The following CNTNAP5 variants were observed in gnomAD, a reference collection of about 807,000 sequenced individuals.
CNTNAP5 encodes the protein contactin associated protein family member 5, also known as contactin-associated protein-like 5.
In CNTNAP5, 72 loss-of-function variants were observed where a neutral mutation model predicts 150.2. That is an observed-to-expected ratio of 0.48 (90% CI 0.40 to 0.58). The LOEUF is 0.58. Ranked by LOEUF, CNTNAP5 falls within the 20% of genes least tolerant of loss-of-function variation. The pLI, the probability that CNTNAP5 is intolerant of heterozygous loss-of-function variation, is 0.00. For missense variants in CNTNAP5, 1,636 were observed against 1,626.2 expected (o/e 1.01, Z -0.10); for synonymous variants, 672 against 619.8 (o/e 1.08, Z -1.25).
At chr2:124,063,627 A>G (rs1416240661) in intron 1 of CNTNAP5, among the ~76,000 whole-genome samples, 1 of 152,178 alleles carries the variant, frequency 6.6e-6, no homozygotes, top group Non-Finnish European at 1.5e-5. Context: ...AGCAAATATA[A>G]TACTTCTCAA....
chr2:124,679,505 AT>A, intron 13 of CNTNAP5, among the ~76,000 whole-genome samples: 1 of 151,758 alleles, frequency 6.6e-6, no homozygotes, highest in East Asian at 1.9e-4. Context: ...CTTTTTCCAA[AT>A]CACTAATTAT....
chr2:124,309,286 G>C (rs1190712447), intron 3 of CNTNAP5, among the ~76,000 whole-genome samples: 2 of 152,152 alleles, frequency 1.3e-5, no homozygotes, highest in African/African-American at 4.8e-5. Flanking sequence ...TGGGAGGGAT[G>C]ACTGTGACAG....
intron 11 of CNTNAP5, among the ~76,000 whole-genome samples, chr2:124,574,553 TG>T (rs1167164676): frequency 6.6e-6 from 1 of 152,236 alleles, no homozygotes; most frequent in Admixed American, 6.5e-5. Flanking sequence ...GGTTAAAACA[TG>T]AGGAATGTTC....
intron 5 of CNTNAP5, among the ~76,000 whole-genome samples, chr2:124,438,106 C>G (rs1270288387): frequency 6.6e-6 from 1 of 152,018 alleles, no homozygotes; most frequent in Non-Finnish European, 1.5e-5. Flanking sequence ...ACATAGTTAC[C>G]CTAACCCTTA....
At chr2:124,246,537 G>C (rs1480190610) in intron 3 of CNTNAP5, among the ~76,000 whole-genome samples, 3 of 152,096 alleles carry the variant, frequency 2.0e-5, no homozygotes, top group African/African-American at 7.2e-5. Context: ...CCGACTCTGG[G>C]CAGCAACATG....
intron 3 of CNTNAP5, among the ~76,000 whole-genome samples, chr2:124,374,927 CAAT>C (rs1334590382): frequency 6.6e-6 from 1 of 151,650 alleles, no homozygotes; most frequent in Non-Finnish European, 1.5e-5. Flanking sequence ...AAACTTAGAA[CAAT>C]GAGAGAGAGA....
At chr2:124,897,936 AGTGTGTGTGTGTGTGTGTGTGT>A in intron 21 of CNTNAP5, among the ~76,000 whole-genome samples, 1 of 142,112 alleles carries the variant, frequency 7.0e-6, no homozygotes, top group East Asian at 2.1e-4. Context: ...GCAAATGCCA[AGTGTGTGTGTGTGTGTGTGTGT>A]GTGTGTGTGT....
chr2:124,521,663 G>C (rs551368065), intron 8 of CNTNAP5, among the ~76,000 whole-genome samples: 1 of 152,132 alleles, frequency 6.6e-6, no homozygotes, highest in South Asian at 2.1e-4. Flanking sequence ...GGCCTTTAGG[G>C]AGTATTTAGA....
intron 11 of CNTNAP5, among the ~76,000 whole-genome samples, chr2:124,605,866 T>G (rs1017138901): frequency 3.4e-5 from 5 of 145,010 alleles, no homozygotes; most frequent in African/African-American, 1.0e-4. Context: ...ATAGAAAGAA[T>G]TATTATATTT....
Position 124,524,342 on chromosome 2 carries a change from T to G in CNTNAP5, c.1367T>G (p.Ile456Ser), listed in dbSNP as rs745780206. 6.2e-7 allele frequency: 1 copy of G among 1,613,812 alleles called. No individual in the cohort carries two copies. The highest frequency in any genetic ancestry group is 8.5e-7 in the Non-Finnish European group (1 of 1,179,816). The change falls in exon 9 of 24, where the codon ATC becomes AGC. Residue 456 changes from isoleucine (I) to serine (S), a missense_variant. Coordinates refer to ENST00000682447, the MANE Select transcript of CNTNAP5 (RefSeq NM_001367498.1). ...GATGGCCTGTGGCACTCGGTTAGCATCAACGCCAGGAGGAACCGCATCACG... is the reference window on the plus strand; with the variant it reads ...GATGGCCTGTGGCACTCGGTTAGCAGCAACGCCAGGAGGAACCGCATCACG... ...LNDGLWHSVS[I>S]NARRNRITLT...
At chr2:124,223,720 T>C (rs910633226) in intron 2 of CNTNAP5, among the ~76,000 whole-genome samples, 1 of 151,876 alleles carries the variant, frequency 6.6e-6, no homozygotes, top group African/African-American at 2.4e-5. Context: ...TGAGGACAAG[T>C]GTCTTTGCTC....
At position 124,869,734 on chromosome 2, in the gene CNTNAP5, A is replaced by G. The variant is rs780120750; in HGVS notation, c.3408A>G (p.Ile1136Met). 1.2e-6 allele frequency: 2 copies of G among 1,611,480 alleles called. No homozygotes were observed. The highest frequency in any genetic ancestry group is 1.7e-6 in the Non-Finnish European group (2 of 1,178,218). Residue 1136 changes from isoleucine to methionine, a missense_variant, in exon 21 of 24, where the codon ATA (isoleucine) becomes ATG (methionine). Coordinates refer to ENST00000682447, the MANE Select transcript of CNTNAP5 (RefSeq NM_001367498.1). ...CTCCGGAAGTAGAGTTCAGGGTTAT[A>G]AGGTCACTCACCTTGGGCAAAGTCA... The part of the protein sequence containing the change: ...NFSPEVEFRV[I>M]RSLTLGKVTE...
At chr2:124,484,372 G>T (rs1385030847) in intron 7 of CNTNAP5, among the ~76,000 whole-genome samples, 2 of 152,162 alleles carry the variant, frequency 1.3e-5, no homozygotes, top group African/African-American at 4.8e-5. Context: ...AATATATATG[G>T]ATGAAGGCAC....
chr2:124,490,014 C>T (rs993949250), intron 7 of CNTNAP5, among the ~76,000 whole-genome samples: 6 of 152,066 alleles, frequency 3.9e-5, no homozygotes, highest in Non-Finnish European at 7.4e-5. Flanking sequence ...CATTATTTCA[C>T]TACCAAGAAA....
chr2:124,863,463 G>T (rs530537413), intron 19 of CNTNAP5, among the ~76,000 whole-genome samples: 1 of 152,060 alleles, frequency 6.6e-6, no homozygotes, highest in African/African-American at 2.4e-5. Flanking sequence ...AATAATATCC[G>T]GAAATCTGCG....
intron 12 of CNTNAP5, among the ~76,000 whole-genome samples, chr2:124,626,943 G>A (rs1677736285): frequency 2.0e-5 from 3 of 152,168 alleles, no homozygotes; most frequent in Admixed American, 2.0e-4. Context: ...GATTTGGACT[G>A]AGCAGAATTC....
At chr2:124,543,264 G>A (rs1011235096) in intron 10 of CNTNAP5, among the ~76,000 whole-genome samples, 1 of 151,998 alleles carries the variant, frequency 6.6e-6, no homozygotes, top group Non-Finnish European at 1.5e-5. Flanking sequence ...ATAACACAGT[G>A]GAAGGAAGCA....
chr2:124,840,512 G>A lies in CNTNAP5; in HGVS notation c.3218-24794G>A, dbSNP rs376022752. ...CTCAGAATCCAGCAAACGAAAGGTGGACAGTATGCATTTAGTAAGACATGC... is the reference window on the plus strand; with the variant it reads ...CTCAGAATCCAGCAAACGAAAGGTGAACAGTATGCATTTAGTAAGACATGC... On this transcript the variant is annotated intron_variant, in intron 19 of 23. Coordinates refer to ENST00000682447, the MANE Select transcript of CNTNAP5 (RefSeq NM_001367498.1). Among the ~76,000 whole-genome samples the A allele has an allele frequency of 2.8e-4, 43 of 152,156 alleles. 1 individual carries two copies. Among genetic ancestry groups the A allele is most frequent in the Middle Eastern group, 3.4e-3 (1 of 294 alleles).
At chr2:124,041,574 G>A (rs1681373143) in intron 1 of CNTNAP5, among the ~76,000 whole-genome samples, 1 of 152,120 alleles carries the variant, frequency 6.6e-6, no homozygotes, top group Non-Finnish European at 1.5e-5. Flanking sequence ...GAATTAACGT[G>A]GAGTCAGATT....
Sources: allele counts gnomAD v4.1 joint callset (sites outside exome capture counted in the v4.1 genomes callset), GRCh38; gene constraint gnomAD v4.1.1; transcripts MANE v1.5; gene names NCBI Gene and HGNC (gene_info 2026-07-23, HGNC 2026-07-21).